Variants in SLC9A1 observed in about 807,000 individuals in gnomAD.
SLC9A1 encodes solute carrier family 9 member A1, also known as sodium/hydrogen exchanger 1.
A neutral mutation model predicts 67.9 loss-of-function variants in SLC9A1; 22 were observed. That is an observed-to-expected ratio of 0.32 (90% CI 0.23 to 0.46). The LOEUF (loss-of-function observed/expected upper bound fraction) is 0.46, where lower values mean the gene tolerates loss of function less well. SLC9A1 is among the 20% of genes least tolerant of loss of function. SLC9A1 has a pLI of 1.00. For synonymous variants in SLC9A1, 421 were observed against 471.8 expected (o/e 0.89, Z 1.40); for missense variants, 686 against 1,094.8 (o/e 0.63, Z 5.27).
rs1183130903 is a variant in SLC9A1 at position 27,100,704 on chromosome 1, C to T, written c.2111-60G>A. The T allele has an allele frequency of 5.6e-6, 8 of 1,419,618 alleles. No homozygotes were observed. The highest frequency in any genetic ancestry group is 7.7e-6 in the Non-Finnish European group (8 of 1,038,322). 87.9% of individuals were successfully genotyped at this position (1,419,618 alleles called of 1,614,324 possible). The stretch of plus-strand genomic sequence containing the variant: ...GCTCTGGAGCCCGGCCCAGCACGTG[C>T]CACTCGGCCGCGTCAGTGCCTCCTT... On this transcript the variant is annotated intron_variant, in intron 11 of 11. Transcript: ENST00000263980. This position sits in a 1 kb window ranked among gnomAD's most constrained non-coding sequence, Gnocchi z 5.6.
At chr1:27,123,375 T>C (rs991233992) in intron 1 of SLC9A1, among the ~76,000 whole-genome samples, 1 of 152,210 alleles carries the variant, frequency 6.6e-6, no homozygotes, top group African/African-American at 2.4e-5. Context: ...GTGTGAATGG[T>C]AAATCACACA....
chr1:27,125,908 A>G (rs1315319864), intron 1 of SLC9A1, among the ~76,000 whole-genome samples: 1 of 152,122 alleles, frequency 6.6e-6, no homozygotes, highest in Admixed American at 6.5e-5. Flanking sequence ...AAGCTTTTTA[A>G]GAGGTAAGAC....
At chr1:27,103,027 C>A (rs1324901680) in intron 6 of SLC9A1, among the ~76,000 whole-genome samples, 196 bp downstream of exon 6, 2 of 152,166 alleles carry the variant, frequency 1.3e-5, no homozygotes, top group African/African-American at 2.4e-5. Flanking sequence ...TGGCATGATG[C>A]CCCCTCCTCA....
intron 1 of SLC9A1, among the ~76,000 whole-genome samples, chr1:27,117,198 C>T (rs2083277632): frequency 6.6e-6 from 1 of 152,076 alleles, no homozygotes; most frequent in South Asian, 2.1e-4. Context: ...GGGAGACAGG[C>T]ACAGCGCAGC....
At position 27,114,259 on chromosome 1, in the gene SLC9A1, C is replaced by T. The variant is rs776596154; in HGVS notation, c.380G>A (p.Ser127Asn). 2 of 1,612,846 alleles carry T rather than the reference C, an allele frequency of 1.2e-6. No individual in the cohort carries two copies. Among genetic ancestry groups the T allele is most frequent in the Admixed American group, 3.3e-5 (2 of 60,002 alleles). The change falls in exon 2 of 12, where the codon AGC becomes AAC. Residue 127 changes from serine (S) to asparagine (N), a missense_variant. Around this residue, in one of 7 missense-constraint regions of SLC9A1, gnomAD observed 143 missense variants for 166.7 expected, o/e 0.86. Transcript: ENST00000263980. This position sits in a 1 kb window ranked among gnomAD's most constrained non-coding sequence, Gnocchi z 5.4. The part of the protein sequence containing the change: ...IGFHVIPTIS[S>N]IVPESCLLIV... ...CAGCAGGCAGCTCTCCGGGACGATG[C>T]TTGAGATAGTGGGGATCACATGGAA...
At chr1:27,144,287 G>C (rs572730113) in intron 1 of SLC9A1, among the ~76,000 whole-genome samples, 1 of 152,088 alleles carries the variant, frequency 6.6e-6, no homozygotes, top group Non-Finnish European at 1.5e-5. Flanking sequence ...TAGGGCTCTC[G>C]GCAGCTCCCC....
At chr1:27,129,781 CTTCTT>C (rs1489239907) in intron 1 of SLC9A1, among the ~76,000 whole-genome samples, 1 of 152,160 alleles carries the variant, frequency 6.6e-6, no homozygotes, top group Non-Finnish European at 1.5e-5. Flanking sequence ...TCCACTCCCA[CTTCTT>C]TTTTTTAAAC....
At chr1:27,123,222 TTAAGTA>T (rs1274394446) in intron 1 of SLC9A1, among the ~76,000 whole-genome samples, 2 of 152,182 alleles carry the variant, frequency 1.3e-5, no homozygotes, top group Non-Finnish European at 2.9e-5. Context: ...ATATAAGTGT[TTAAGTA>T]TAAGGAAAAT....
intron 5 of SLC9A1, chr1:27,103,798 C>T (rs948366175): frequency 3.0e-5 from 5 of 166,776 alleles, no homozygotes; most frequent in South Asian, 1.6e-4. Flanking sequence ...CTCCAATATC[C>T]GCAACACTAA....
rs149730779 is a variant in SLC9A1, at chr1:27,128,518, G to C, written c.353-14232C>G. 9.2e-5 allele frequency among the ~76,000 whole-genome samples: 14 copies of C among 152,152 alleles called. No homozygotes were observed. In the East Asian group the frequency reaches 2.7e-3, roughly 29 times the overall value. ...AAAAATTTAAAAATTAGTTGGGCAT[G>C]GCTGGTGCATACCTGTAGTCCCAGC... is the stretch of plus-strand genomic sequence containing the variant. On this transcript the variant is annotated intron_variant, in intron 1 of 11. Coordinates refer to ENST00000263980, the MANE Select transcript of SLC9A1 (RefSeq NM_003047.5).
chr1:27,102,317 C>T (rs1373624065), intron 8 of SLC9A1, 68 bp downstream of exon 8: 3 of 1,520,714 alleles, frequency 2.0e-6, no homozygotes, highest in Non-Finnish European at 2.7e-6. Flanking sequence ...CCCCAGGTGG[C>T]CACCTCCAAC....
Position 27,106,095 on chromosome 1 carries a change from G to A in SLC9A1, c.1283-8C>T. 8 of 1,598,766 alleles carry A rather than the reference G, an allele frequency of 5.0e-6. No individual in the cohort carries two copies. Among genetic ancestry groups the A allele is most frequent in the Non-Finnish European group, 6.8e-6 (8 of 1,167,936 alleles). On this transcript the variant is annotated splice_polypyrimidine_tract_variant and splice_region_variant and intron_variant, in intron 4 of 11. Transcript: ENST00000263980. This position sits in a 1 kb window ranked among gnomAD's most constrained non-coding sequence, Gnocchi z 4.3. ...AGGTCAGGCCCAGCACCCCTGCAGG[G>A]GAAGGCAGGGGGTGATGAGGGTCAG...
At chr1:27,117,670 C>T (rs1214703198) in intron 1 of SLC9A1, among the ~76,000 whole-genome samples, 1 of 152,156 alleles carries the variant, frequency 6.6e-6, no homozygotes, top group African/African-American at 2.4e-5. Context: ...GAGCCTGGCA[C>T]GCACCATCTC....
chr1:27,119,096 G>A (rs2124164414), intron 1 of SLC9A1, among the ~76,000 whole-genome samples: 1 of 149,598 alleles, frequency 6.7e-6, no homozygotes, highest in Admixed American at 6.7e-5. Context: ...CTCTTGCTGA[G>A]CAGACACCTC....
intron 1 of SLC9A1, among the ~76,000 whole-genome samples, chr1:27,140,495 G>A (rs1323867387): frequency 6.6e-6 from 1 of 151,886 alleles, no homozygotes; most frequent in Non-Finnish European, 1.5e-5. Context: ...TTCCTTTAAG[G>A]CTCCAGGAAT....
In SLC9A1 at chr1:27,099,663, C is replaced by T. The variant is rs2083124996; in HGVS notation, c.*644G>A. 1 of 152,538 alleles carries T rather than the reference C, an allele frequency of 6.6e-6. No homozygotes were observed. The allele number at this position is 152,538 out of a possible 1,614,324, so 9.4% of individuals were successfully genotyped here. On this transcript the variant is annotated 3_prime_UTR_variant, in exon 12 of 12. Coordinates refer to ENST00000263980, the MANE Select transcript of SLC9A1 (RefSeq NM_003047.5). ...GGGCCCAGTGGTCCCCGTGGGAGCA[C>T]AGTTCGAAAAGCTCTGAGTCACGTC...
intron 1 of SLC9A1, among the ~76,000 whole-genome samples, chr1:27,129,543 C>A (rs2083370944): frequency 6.6e-6 from 1 of 152,154 alleles, no homozygotes. Flanking sequence ...TCAGCTCTCT[C>A]CTGTGGGAGA....
intron 1 of SLC9A1, among the ~76,000 whole-genome samples, chr1:27,133,474 A>G (rs1357686596): frequency 6.6e-6 from 1 of 152,202 alleles, no homozygotes; most frequent in Admixed American, 6.5e-5. Flanking sequence ...AGCTAGAAGA[A>G]GTGTAAGAGA....
chr1:27,101,386 C>T lies in SLC9A1; in HGVS notation c.2038-111G>A, dbSNP rs1022276035. On this transcript the variant is annotated intron_variant, in intron 10 of 11. Transcript: ENST00000263980. This position sits in a 1 kb window ranked among gnomAD's most constrained non-coding sequence, Gnocchi z 4.9. Reference sequence around the variant, plus strand: ...CTTTCGTATATGCAGGGCGCTTGCTCCCCCTCCCTTGTGCCTGTGTGGGCA... The same window carrying T: ...CTTTCGTATATGCAGGGCGCTTGCTTCCCCTCCCTTGTGCCTGTGTGGGCA... The T allele has an allele frequency of 7.4e-6, 6 of 815,890 alleles. No individual in the cohort carries two copies. The highest frequency in any genetic ancestry group is 1.6e-5 in the South Asian group (1 of 63,468). The allele number at this position is 815,890 out of a possible 1,614,324, so 50.5% of individuals were successfully genotyped here. A position where few individuals can be genotyped will look rare whatever the true frequency, so the allele number is the denominator to read the frequency against.
Sources: allele counts gnomAD v4.1 joint callset (sites outside exome capture counted in the v4.1 genomes callset), GRCh38; gene constraint gnomAD v4.1.1; regional missense constraint gnomAD v4.1.1; non-coding constraint Gnocchi (gnomAD v3.1); transcripts MANE v1.5; gene names NCBI Gene and HGNC (gene_info 2026-07-23, HGNC 2026-07-21).